Variants in LYRM1 observed in about 807,000 individuals in gnomAD.
LYRM1 encodes the protein LYR motif-containing protein 1.
LYRM1 carries 14 observed loss-of-function variants against 14.9 expected under a neutral mutation model. That is an observed-to-expected ratio of 0.94 (90% CI 0.62 to 1.47). The LOEUF (loss-of-function observed/expected upper bound fraction) is 1.47, where lower values mean the gene tolerates loss of function less well. Ranked by LOEUF, LYRM1 falls within the 40% of genes most tolerant of loss-of-function variation. The probability of loss-of-function intolerance (pLI) is 0.00; values close to 1 mark genes in which losing one functional copy is unlikely to be tolerated. For synonymous variants in LYRM1, 43 were observed against 56.2 expected (o/e 0.77, Z 1.05); for missense variants, 153 against 149.9 (o/e 1.02, Z -0.11).
chr16:20,924,120 A>G lies in LYRM1; in HGVS notation c.*4A>G. 6.6e-7 allele frequency: 1 copy of G among 1,504,044 alleles called. No homozygotes were observed. Among genetic ancestry groups the G allele is most frequent in the Middle Eastern group, 1.7e-4 (1 of 5,858 alleles). The allele number at this position is 1,504,044 out of a possible 1,614,324, so 93.2% of individuals were successfully genotyped here. A position where few individuals can be genotyped will look rare whatever the true frequency, so the allele number is the denominator to read the frequency against. ...ATCTCATGATGAAGTTTCCTAATCT[A>G]GAGGAAAGTTTATTTCTGCAAATGA... On this transcript the variant is annotated 3_prime_UTR_variant, in exon 4 of 4. Transcript: ENST00000567954.
chr16:20,915,846 C>T (rs1174715412), intron 2 of LYRM1, 132 bp downstream of exon 2: 2 of 918,330 alleles, frequency 2.2e-6, no homozygotes, highest in Non-Finnish European at 1.6e-6. Context: ...CAGGAAGGGG[C>T]CAGTGCACAG....
chr16:20,909,828 C>T (rs2082499814), intron 1 of LYRM1, among the ~76,000 whole-genome samples: 1 of 152,160 alleles, frequency 6.6e-6, no homozygotes, highest in Admixed American at 6.6e-5. Flanking sequence ...ATTCAGCAAA[C>T]ATTTATTGAA....
chr16:20,921,707 C>CT (rs2083197957), intron 3 of LYRM1: 1 of 111,436 alleles, frequency 9.0e-6, no homozygotes, highest in Non-Finnish European at 1.8e-5. Flanking sequence ...GCCCAAATTT[C>CT]TTAAAAAAAA....
Position 20,924,301 on chromosome 16 carries a change from T to G in LYRM1, c.*185T>G. 1.8e-6 allele frequency: 1 copy of G among 542,208 alleles called. No individual in the cohort carries two copies. The highest frequency in any genetic ancestry group is 2.1e-5 in the South Asian group (1 of 47,288). The allele number at this position is 542,208 out of a possible 1,614,324, so 33.6% of individuals were successfully genotyped here. On this transcript the variant is annotated 3_prime_UTR_variant, in exon 4 of 4. Coordinates refer to ENST00000567954, the MANE Select transcript of LYRM1 (RefSeq NM_001128302.3). Reference sequence around the variant, plus strand: ...GTTTCTCAGCATCTTTCTTCCTGAGTGGATGGCATTATCCCTAGAGGTCAT... The same window carrying G: ...GTTTCTCAGCATCTTTCTTCCTGAGGGGATGGCATTATCCCTAGAGGTCAT...
chr16:20,908,455 C>A (rs2082428893), intron 1 of LYRM1, among the ~76,000 whole-genome samples: 1 of 152,202 alleles, frequency 6.6e-6, no homozygotes, highest in African/African-American at 2.4e-5. Context: ...TTCAGACCAG[C>A]TGAGTTTGAA....
At chr16:20,923,905 G>C (rs995001566) in intron 3 of LYRM1, 95 bp from the exon 4 acceptor site, 2 of 676,320 alleles carry the variant, frequency 3.0e-6, no homozygotes, top group Non-Finnish European at 2.6e-6. Context: ...ACAGCACTTA[G>C]CAGAGAATAT....
chr16:20,907,601 A>T (rs180770346), intron 1 of LYRM1, among the ~76,000 whole-genome samples: 2 of 151,974 alleles, frequency 1.3e-5, no homozygotes, highest in South Asian at 4.2e-4. Flanking sequence ...GGTTCAAGCA[A>T]TCCTCCCACC....
chr16:20,920,206 C>T lies in LYRM1; in HGVS notation c.244C>T (p.Pro82Ser), dbSNP rs777404701. 1.2e-6 allele frequency: 2 copies of T among 1,612,032 alleles called. No individual in the cohort carries two copies. Among genetic ancestry groups the T allele is most frequent in the African/African-American group, 2.7e-5 (2 of 74,868 alleles). Residue 82 changes from proline to serine, a missense_variant, in exon 3 of 4, where the codon CCA becomes TCA. Pro to Ser is a moderately conservative substitution (Grantham distance 74). Coordinates refer to ENST00000567954, the MANE Select transcript of LYRM1 (RefSeq NM_001128302.3). ...TGGACTGCATTACAAGATTCCTTAC[C>T]CAAGGCCAGTAAGTGTGACTCCGGT... ...EIGLHYKIPY[P>S]RPIHLPPMGL... is the part of the protein sequence containing the mutation.
Position 20,904,691 on chromosome 16 carries a change from T to TTTTGTGTGTGTGTGTGTGTGTGTG in LYRM1, c.-1+3803_-1+3804insTTGTGTGTGTGTGTGTGTGTGTGT, listed in dbSNP as rs148224628. 2.4e-4 allele frequency among the ~76,000 whole-genome samples: 34 copies of TTTTGTGTGTGTGTGTGTGTGTGTG among 141,146 alleles called. No individual in the cohort carries two copies. In the East Asian group the frequency reaches 3.1e-3, roughly 13 times the overall value. The allele number at this position is 141,146 out of a possible 152,430, so 92.6% of individuals were successfully genotyped here. A position where few individuals can be genotyped will look rare whatever the true frequency, so the allele number is the denominator to read the frequency against. ...TCTGAAACAGGAAATAAGTCTGTGG[T>TTTTGTGTGTGTGTGTGTGTGTGTG]TGTGTGTGTGTGTGTGTGTGTGTGT... On this transcript the variant is annotated intron_variant, in intron 1 of 3. Coordinates refer to ENST00000567954, the MANE Select transcript of LYRM1 (RefSeq NM_001128302.3).
intron 1 of LYRM1, among the ~76,000 whole-genome samples, chr16:20,903,328 T>C (rs1567440749): frequency 6.6e-6 from 1 of 152,254 alleles, no homozygotes; most frequent in African/African-American, 2.4e-5. Flanking sequence ...CTCCCGTCTA[T>C]GTGGCTCATG....
rs777793700 is a variant in LYRM1 at position 20,901,631 on chromosome 16, A to C, written c.-1+742A>C. 2.6e-5 allele frequency among the ~76,000 whole-genome samples: 4 copies of C among 152,254 alleles called. No homozygotes were observed. The highest frequency in any genetic ancestry group is 4.4e-5 in the Non-Finnish European group (3 of 68,038). On this transcript the variant is annotated intron_variant, in intron 1 of 3. Transcript: ENST00000567954. The surrounding 1 kb of genome is among the most constrained non-coding windows in gnomAD (Gnocchi z 4.6). The stretch of plus-strand genomic sequence containing the variant: ...GAGTGCCCTGTGATGTAGTTGGGGA[A>C]GTGGCATGACTGTAGCAGCGCCTTT...
chr16:20,904,694 TGTGTGTGTG>T (rs2082233613), intron 1 of LYRM1, among the ~76,000 whole-genome samples: 1 of 146,950 alleles, frequency 6.8e-6, no homozygotes, highest in South Asian at 2.1e-4. Flanking sequence ...TCTGTGGTTG[TGTGTGTGTG>T]TGTGTGTGTG....
At chr16:20,914,131 A>G (rs1328645769) in intron 1 of LYRM1, among the ~76,000 whole-genome samples, 1 of 152,118 alleles carries the variant, frequency 6.6e-6, no homozygotes, top group East Asian at 1.9e-4. Context: ...ATTTTTAATT[A>G]TACTTATTGG....
chr16:20,906,443 C>G (rs948091655), intron 1 of LYRM1, among the ~76,000 whole-genome samples: 1 of 152,184 alleles, frequency 6.6e-6, no homozygotes, highest in Admixed American at 6.5e-5. Flanking sequence ...AGAAATTTGA[C>G]TATACTACGG....
intron 3 of LYRM1, among the ~76,000 whole-genome samples, chr16:20,922,772 G>T (rs191597076): frequency 6.6e-6 from 1 of 152,330 alleles, no homozygotes; most frequent in East Asian, 1.9e-4. Flanking sequence ...ACAGGCGTGA[G>T]CCACTGTGCC....
At chr16:20,917,426 C>T (rs1482451741) in intron 2 of LYRM1, among the ~76,000 whole-genome samples, 1 of 151,716 alleles carries the variant, frequency 6.6e-6, no homozygotes, top group African/African-American at 2.4e-5. Context: ...AATATAAATA[C>T]ATATATGGGG....
chr16:20,900,691 GAGTC>G (rs1412338830), upstream of LYRM1: 7 of 152,632 alleles, frequency 4.6e-5, no homozygotes, highest in African/African-American at 1.4e-4. Context: ...GAGATGGGTA[GAGTC>G]AGTCAGTCGA....
chr16:20,924,053 C>T lies in LYRM1; in HGVS notation c.306C>T (p.Ser102=), dbSNP rs1567470855. 6.2e-7 allele frequency: 1 copy of T among 1,613,648 alleles called. No individual in the cohort carries two copies. Residue 102 remains serine, a synonymous_variant, in exon 4 of 4, where the codon AGC becomes AGT. Transcript: ENST00000567954. ...CACTCCGAGGCCGGGGACTTCGAAGCCAAGAGAAACTGAGGAAACTTTCCA... is the reference window on the plus strand; with the variant it reads ...CACTCCGAGGCCGGGGACTTCGAAGTCAAGAGAAACTGAGGAAACTTTCCA... ...LTPLRGRGLR[S]QEKLRKLSKP... is the part of the protein sequence containing the mutation.
Position 20,924,343 on chromosome 16 carries a change from C to T in LYRM1, c.*227C>T. On this transcript the variant is annotated 3_prime_UTR_variant, in exon 4 of 4. Coordinates refer to ENST00000567954, the MANE Select transcript of LYRM1 (RefSeq NM_001128302.3). ...AGAGGTCATGGACCTTACATCCTCA[C>T]TGCAGTCACCTTTGGAAACAAGACC... The T allele has an allele frequency of 2.5e-6, 1 of 400,754 alleles. No individual in the cohort carries two copies. The allele number at this position is 400,754 out of a possible 1,614,324, so 24.8% of individuals were successfully genotyped here.
Sources: allele counts gnomAD v4.1 joint callset (sites outside exome capture counted in the v4.1 genomes callset), GRCh38; gene constraint gnomAD v4.1.1; non-coding constraint Gnocchi (gnomAD v3.1); transcripts MANE v1.5; gene names NCBI Gene and HGNC (gene_info 2026-07-23, HGNC 2026-07-21).